Variants in KCNIP1 observed in about 807,000 individuals in gnomAD.
KCNIP1 encodes potassium voltage-gated channel interacting protein 1.
KCNIP1 carries 18 observed loss-of-function variants against 33.0 expected under a neutral mutation model. The ratio of observed to expected loss-of-function variants is 0.55; its 90% CI spans 0.38 to 0.81. The LOEUF (loss-of-function observed/expected upper bound fraction) is 0.81. Among genes scored for constraint, KCNIP1 ranks in the 30% least tolerant of loss-of-function variants. The pLI is 0.00. For missense variants in KCNIP1, 238 were observed against 271.6 expected (o/e 0.88, Z 0.87); for synonymous variants, 93 against 98.3 (o/e 0.95, Z 0.32).
At chr5:170,368,686 T>C (rs1325091738) in intron 1 of KCNIP1, among the ~76,000 whole-genome samples, 1 of 152,252 alleles carries the variant, frequency 6.6e-6, no homozygotes, top group Non-Finnish European at 1.5e-5. Context: ...GTTCTCAGTA[T>C]GGGAACGCAT....
upstream of KCNIP1, among the ~76,000 whole-genome samples, chr5:170,503,594 T>C (rs1043368566): frequency 6.6e-6 from 1 of 151,908 alleles, no homozygotes; most frequent in Non-Finnish European, 1.5e-5. Flanking sequence ...CACCCCTTTC[T>C]GGGTGGGGCA....
At position 170,407,900 on chromosome 5, in the gene KCNIP1, G is replaced by A. The variant is rs543825213; in HGVS notation, c.88+53936G>A. On this transcript the variant is annotated intron_variant, in intron 1 of 7. Coordinates refer to the KCNIP1 transcript ENST00000377360. ...GTGACAGTGACCTTCAAACTATGGT[G>A]GCATCTTAGCTATAGGGGTGTCCCT... is the stretch of plus-strand genomic sequence containing the variant. Among the ~76,000 whole-genome samples, 5 of 152,302 alleles carry A rather than the reference G, an allele frequency of 3.3e-5. No individual in the cohort carries two copies. In the South Asian group the frequency reaches 6.2e-4, roughly 19 times the overall value.
chr5:170,667,215 G>A (rs538179103), intron 1 of KCNIP1, among the ~76,000 whole-genome samples: 13 of 152,090 alleles, frequency 8.5e-5, no homozygotes, highest in Admixed American at 2.6e-4. Flanking sequence ...GGGAGGCTGA[G>A]GCAGGAGAAT....
At chr5:170,584,217 G>A (rs886604860) in intron 1 of KCNIP1, among the ~76,000 whole-genome samples, 1 of 152,232 alleles carries the variant, frequency 6.6e-6, no homozygotes, top group African/African-American at 2.4e-5. Flanking sequence ...GGACCTGGGA[G>A]CAGCCACGGG....
chr5:170,467,295 T>C (rs1291517122), intron 1 of KCNIP1, among the ~76,000 whole-genome samples: 1 of 152,170 alleles, frequency 6.6e-6, no homozygotes. Context: ...AAAATGCTGA[T>C]GTGACATTGT....
At chr5:170,544,840 A>G (rs150931354) in intron 1 of KCNIP1, among the ~76,000 whole-genome samples, 1 of 152,088 alleles carries the variant, frequency 6.6e-6, no homozygotes, top group African/African-American at 2.4e-5. Flanking sequence ...TCCTGTACCC[A>G]CTTCTTTCTT....
chr5:170,523,175 C>T (rs1335739140), intron 1 of KCNIP1, among the ~76,000 whole-genome samples: 1 of 152,164 alleles, frequency 6.6e-6, no homozygotes, highest in Non-Finnish European at 1.5e-5. Context: ...GCTCCCCCTG[C>T]CCCACCCTGC....
chr5:170,452,451 G>A (rs1225405717), intron 1 of KCNIP1, among the ~76,000 whole-genome samples: 2 of 152,146 alleles, frequency 1.3e-5, no homozygotes, highest in Non-Finnish European at 2.9e-5. Flanking sequence ...TGCCTGGAAT[G>A]AGGGCTGGGG....
At chr5:170,429,289 A>G (rs990955067) in intron 1 of KCNIP1, among the ~76,000 whole-genome samples, 1 of 152,018 alleles carries the variant, frequency 6.6e-6, no homozygotes, top group Non-Finnish European at 1.5e-5. Flanking sequence ...CTGAGTCCCC[A>G]GTGTCTACAG....
chr5:170,495,936 A>G (rs534261002), intron 1 of KCNIP1, among the ~76,000 whole-genome samples: 44 of 152,130 alleles, frequency 2.9e-4, no homozygotes, highest in Admixed American at 7.8e-4. Flanking sequence ...TCAGGCTCCA[A>G]TTGCAGCAGC....
chr5:170,496,021 G>A (rs1464846902), intron 1 of KCNIP1, among the ~76,000 whole-genome samples: 3 of 152,166 alleles, frequency 2.0e-5, no homozygotes, highest in Non-Finnish European at 4.4e-5. Context: ...CAGGGTCAGG[G>A]GCATGCTCAT....
chr5:170,354,045 C>A, intron 1 of KCNIP1: 1 of 1,281,120 alleles, frequency 7.8e-7, no homozygotes. Context: ...GTGAGCGTGA[C>A]CATTCTGGTG....
chr5:170,578,418 C>T (rs1050219968), intron 1 of KCNIP1, among the ~76,000 whole-genome samples: 3 of 152,106 alleles, frequency 2.0e-5, no homozygotes, highest in Non-Finnish European at 2.9e-5. Context: ...ATCCAAAGAG[C>T]AAATCTTTCT....
intron 1 of KCNIP1, among the ~76,000 whole-genome samples, chr5:170,485,006 T>G (rs1268257161): frequency 6.9e-6 from 1 of 144,250 alleles, no homozygotes; most frequent in African/African-American, 2.6e-5. Context: ...AGTGGCGCAA[T>G]CTCCACTCAC....
At chr5:170,562,684 G>A (rs369618831) in intron 1 of KCNIP1, among the ~76,000 whole-genome samples, 1 of 152,186 alleles carries the variant, frequency 6.6e-6, no homozygotes. Flanking sequence ...CCCACGACAT[G>A]CTCCATTTTC....
intron 1 of KCNIP1, among the ~76,000 whole-genome samples, chr5:170,699,144 C>A (rs1474736788): frequency 6.6e-6 from 1 of 152,158 alleles, no homozygotes; most frequent in Non-Finnish European, 1.5e-5. Context: ...TTACTCATTG[C>A]AGCAAATTTA....
At chr5:170,376,104 A>C (rs1445480749) in intron 1 of KCNIP1, 1 of 146,270 alleles carries the variant, frequency 6.8e-6, no homozygotes, top group Non-Finnish European at 1.5e-5. Context: ...GCCAGATAAC[A>C]TTGTCAGTAT....
Position 170,412,065 on chromosome 5 carries a change from T to G in KCNIP1, c.88+58101T>G, listed in dbSNP as rs533221472. Reference sequence around the variant, plus strand: ...CAAGTGACGGTGCATGCTGGCTGAATGAATAAATGTTGGACCCAATGAAAA... The same window carrying G: ...CAAGTGACGGTGCATGCTGGCTGAAGGAATAAATGTTGGACCCAATGAAAA... On this transcript the variant is annotated intron_variant, in intron 1 of 7. Transcript: ENST00000377360. Among the ~76,000 whole-genome samples, 15 of 152,266 alleles carry G rather than the reference T, an allele frequency of 9.9e-5. No homozygotes were observed. In the East Asian group the frequency reaches 2.9e-3, roughly 29 times the overall value.
upstream of KCNIP1, chr5:170,503,961 GC>G: frequency 4.4e-5 from 11 of 252,092 alleles, 1 homozygote; most frequent in Non-Finnish European, 6.7e-5. Flanking sequence ...CCTCGCCCCC[GC>G]CCCGCCCCTC....
Sources: gnomAD v4.1 joint callset for allele counts (sites outside exome capture counted in the v4.1 genomes callset) on GRCh38, gnomAD v4.1.1 for gene constraint, MANE v1.5 for transcripts, NCBI Gene and HGNC (gene_info 2026-07-23, HGNC 2026-07-21) for gene names.